The following STK31 variants were observed in gnomAD, a reference collection of about 807,000 sequenced individuals.
The protein encoded by STK31 is serine/threonine-protein kinase 31.
STK31 carries 89 observed loss-of-function variants against 129.7 expected under a neutral mutation model. The ratio of observed to expected loss-of-function variants is 0.69; its 90% CI spans 0.58 to 0.82. The LOEUF (loss-of-function observed/expected upper bound fraction) is 0.82. Ranked by LOEUF, STK31 falls within the 40% of genes least tolerant of loss-of-function variation. The pLI is 0.00. For missense variants in STK31, 1,187 were observed against 1,176.4 expected (o/e 1.01, Z -0.13); for synonymous variants, 448 against 395.3 (o/e 1.13, Z -1.58).
Position 23,712,117 on chromosome 7 carries a change from A to G in STK31, c.69A>G (p.Gln23=), listed in dbSNP as rs7779633. 0.34 allele frequency: 546,224 copies of G among 1,604,832 alleles called. 94,735 individuals carry two copies. The highest frequency in any genetic ancestry group is 0.47 in the African/African-American group (35,478 of 74,700). Reference sequence around the variant, plus strand: ...GTTCTAGTTTTTCAGGAATTGTTCAAATGGATGAAGATACACATTACGATA... The same window carrying G: ...GTTCTAGTTTTTCAGGAATTGTTCAGATGGATGAAGATACACATTACGATA... The part of the protein sequence containing the change: ...TESVSFSGIV[Q]MDEDTHYDKV... Residue 23 remains glutamine (Q), a synonymous_variant, in exon 2 of 24, where the codon CAA becomes CAG. Coordinates refer to ENST00000355870, the MANE Select transcript of STK31 (RefSeq NM_031414.5).
chr7:23,727,200 C>A (rs748299872), intron 4 of STK31, 41 bp from the exon 5 acceptor site: 19 of 1,545,926 alleles, frequency 1.2e-5, no homozygotes, highest in Middle Eastern at 1.7e-4. Flanking sequence ...GTTCACCATG[C>A]TTTAAATGCC....
Position 23,770,897 on chromosome 7 carries a change from C to T in STK31, c.1714-108C>T, listed in dbSNP as rs1790142496. On this transcript the variant is annotated intron_variant, in intron 13 of 23. Coordinates refer to ENST00000355870, the MANE Select transcript of STK31 (RefSeq NM_031414.5). ...TTTAAGAACTGTTTTGAAATCACTG[C>T]GGAAATCTGTTAAAGGCATAATTTT... is the stretch of plus-strand genomic sequence containing the variant. 4.3e-6 allele frequency: 5 copies of T among 1,176,062 alleles called. No homozygotes were observed. The South Asian group carries it at 5.0e-5, about 12-fold the overall frequency. The allele number at this position is 1,176,062 out of a possible 1,614,324, so 72.9% of individuals were successfully genotyped here. A position where few individuals can be genotyped will look rare whatever the true frequency, so the allele number is the denominator to read the frequency against.
intron 23 of STK31, among the ~76,000 whole-genome samples, chr7:23,819,689 C>T (rs957712002): frequency 1.5e-5 from 2 of 130,746 alleles, no homozygotes; most frequent in African/African-American, 5.4e-5. Flanking sequence ...GCCTGCCTGA[C>T]CAGCAGTTAA....
chr7:23,767,569 T>A (rs1411947251), intron 11 of STK31, among the ~76,000 whole-genome samples: 1 of 152,158 alleles, frequency 6.6e-6, no homozygotes, highest in Non-Finnish European at 1.5e-5. Flanking sequence ...CTACCACCCT[T>A]AGATGTAAAT....
intron 1 of STK31, 159 bp downstream of exon 1, chr7:23,710,494 C>A (rs756432620): frequency 6.0e-6 from 9 of 1,500,378 alleles, no homozygotes; most frequent in Middle Eastern, 2.0e-4. Context: ...CCAGATGCCC[C>A]AGTTTTTGAG....
In STK31 at chr7:23,732,068, G is replaced by A. The variant is rs144015327; in HGVS notation, c.483+2819G>A. Among the ~76,000 whole-genome samples the A allele has an allele frequency of 5.0e-3, 766 of 152,128 alleles. 2 individuals are homozygous for A. Among genetic ancestry groups the A allele is most frequent in the Non-Finnish European group, 7.3e-3 (498 of 68,016 alleles). Reference sequence around the variant, plus strand: ...TCATGCCTGTAAGCCCAGCACTTTCGGAGGCTGAAGTGGGTGGATGGCTTG... The same window carrying A: ...TCATGCCTGTAAGCCCAGCACTTTCAGAGGCTGAAGTGGGTGGATGGCTTG... On this transcript the variant is annotated intron_variant, in intron 6 of 23. Coordinates refer to ENST00000355870, the MANE Select transcript of STK31 (RefSeq NM_031414.5).
Position 23,804,112 on chromosome 7 carries a change from C to T in STK31, c.2761-11032C>T, listed in dbSNP as rs187237274. ...TTTATTTATTTTTAAGAGATGGGGTCTCACTATATTGCTCAGGCTGGTCTC... is the reference window on the plus strand; with the variant it reads ...TTTATTTATTTTTAAGAGATGGGGTTTCACTATATTGCTCAGGCTGGTCTC... On this transcript the variant is annotated intron_variant, in intron 22 of 23. Coordinates refer to ENST00000355870, the MANE Select transcript of STK31 (RefSeq NM_031414.5). Among the ~76,000 whole-genome samples, 13 of 152,082 alleles carry T rather than the reference C, an allele frequency of 8.5e-5. No homozygotes were observed. The East Asian group carries it at 2.5e-3, about 29-fold the overall frequency.
intron 9 of STK31, among the ~76,000 whole-genome samples, chr7:23,754,065 G>T (rs987744515): frequency 4.6e-5 from 7 of 151,734 alleles, no homozygotes; most frequent in Non-Finnish European, 8.8e-5. Context: ...TATTTTTTAT[G>T]TCATGAAATT....
chr7:23,710,245 C>G lies in STK31; in HGVS notation c.-41C>G, dbSNP rs1229511254. The G allele has an allele frequency of 1.9e-6, 3 of 1,612,090 alleles. No homozygotes were observed. Among genetic ancestry groups the G allele is most frequent in the Non-Finnish European group, 2.5e-6 (3 of 1,179,832 alleles). ...CGGTCGAAGCTCACGCGGTAAGCCG[C>G]TGCACGTGTGCTACGGCGGGCGGAG... On this transcript the variant is annotated 5_prime_UTR_variant, in exon 1 of 24. Transcript: ENST00000355870.
intron 23 of STK31, among the ~76,000 whole-genome samples, chr7:23,822,336 T>C (rs1412150100): frequency 6.6e-6 from 1 of 152,174 alleles, no homozygotes. Flanking sequence ...GCTTTCTTTG[T>C]AGATATCTTC....
At chr7:23,760,376 G>T (rs923027101) in intron 10 of STK31, among the ~76,000 whole-genome samples, 3 of 152,138 alleles carry the variant, frequency 2.0e-5, no homozygotes, top group Admixed American at 2.0e-4. Context: ...AGGATAACTA[G>T]GCTTTTGAAA....
chr7:23,763,091 A>G (rs1023222911), intron 11 of STK31, among the ~76,000 whole-genome samples, 168 bp downstream of exon 11: 2 of 152,140 alleles, frequency 1.3e-5, no homozygotes. Context: ...ATATTAATAT[A>G]TTTTGTGGCT....
chr7:23,778,615 G>T (rs1230705024), intron 15 of STK31, among the ~76,000 whole-genome samples: 1 of 151,424 alleles, frequency 6.6e-6, no homozygotes, highest in African/African-American at 2.4e-5. Flanking sequence ...TCTTCTGCTT[G>T]ATTGATTTGG....
At chr7:23,816,667 T>C (rs1351465218) in intron 23 of STK31, among the ~76,000 whole-genome samples, 1 of 152,238 alleles carries the variant, frequency 6.6e-6, no homozygotes, top group Non-Finnish European at 1.5e-5. Flanking sequence ...GTTTCCATCA[T>C]GGCAGCGTGT....
intron 11 of STK31, among the ~76,000 whole-genome samples, chr7:23,763,727 T>C (rs908680300): frequency 6.6e-6 from 1 of 152,182 alleles, no homozygotes; most frequent in Non-Finnish European, 1.5e-5. Context: ...GATACTCTGC[T>C]TTCTGTGTTT....
chr7:23,830,133 T>A (rs184785278), intron 23 of STK31, among the ~76,000 whole-genome samples: 1 of 152,252 alleles, frequency 6.6e-6, no homozygotes, highest in Admixed American at 6.5e-5. Context: ...GTTTTGTATT[T>A]TTGTGATATC....
rs748363528 is a variant in STK31, at chr7:23,752,827, A to G, written c.1128A>G (p.Glu376=). 1.3e-5 allele frequency: 20 copies of G among 1,589,324 alleles called. No individual in the cohort carries two copies. The highest frequency in any genetic ancestry group is 1.6e-5 in the Non-Finnish European group (18 of 1,158,838). ...NLAAKMEILK[E]MRHVDISVRF... is the part of the protein sequence containing the mutation. ...CAGCTAAGATGGAAATACTGAAAGA[A>G]ATGAGGTAGGTAAAAGCATATTTTT... is the stretch of plus-strand genomic sequence containing the variant. Residue 376 remains glutamate (E), a synonymous_variant, in exon 9 of 24, where the codon GAA becomes GAG. Coordinates refer to ENST00000355870, the MANE Select transcript of STK31 (RefSeq NM_031414.5).
intron 1 of STK31, among the ~76,000 whole-genome samples, chr7:23,711,084 T>C (rs1005916039): frequency 6.6e-6 from 1 of 152,190 alleles, no homozygotes; most frequent in Non-Finnish European, 1.5e-5. Context: ...GGAGTTAATG[T>C]TTTCCTTTTC....
chr7:23,796,594 GTGTAA>G (rs1791972758), intron 22 of STK31, among the ~76,000 whole-genome samples: 1 of 151,936 alleles, frequency 6.6e-6, no homozygotes, highest in African/African-American at 2.4e-5. Context: ...CTATAGATTA[GTGTAA>G]TAACCACTGC....
Sources: gnomAD v4.1 joint callset for allele counts (sites outside exome capture counted in the v4.1 genomes callset) on GRCh38, gnomAD v4.1.1 for gene constraint, MANE v1.5 for transcripts, NCBI Gene and HGNC (gene_info 2026-07-23, HGNC 2026-07-21) for gene names.